The following TSPAN9 variants were observed in gnomAD, a reference collection of about 807,000 sequenced individuals.
The protein encoded by TSPAN9 is tetraspanin 9.
In TSPAN9, 16 loss-of-function variants were observed where a neutral mutation model predicts 31.0. The observed-to-expected ratio is 0.52, with a 90% confidence interval of 0.35 to 0.78. TSPAN9 has a LOEUF of 0.78. TSPAN9 is among the 30% of genes least tolerant of loss of function. TSPAN9 has a pLI of 0.01. For synonymous variants in TSPAN9, 145 were observed against 121.6 expected, an observed-to-expected ratio of 1.19 and a Z score of -1.27; for missense variants, 272 against 312.5, an observed-to-expected ratio of 0.87 and a Z score of 0.98.
At chr12:3,179,771 A>G (rs969022318) in intron 2 of TSPAN9, among the ~76,000 whole-genome samples, 1 of 152,186 alleles carries the variant, frequency 6.6e-6, no homozygotes, top group Non-Finnish European at 1.5e-5. Context: ...GATTCTCCCC[A>G]TTTTGCAGGC....
At chr12:3,081,844 G>GTGTGTATATATATATATATATATATA (rs57812985) in intron 1 of TSPAN9, among the ~76,000 whole-genome samples, 1 of 116,738 alleles carries the variant, frequency 8.6e-6, no homozygotes, top group African/African-American at 3.7e-5. Flanking sequence ...GTCTGTGTGT[G>GTGTGTATATATATATATATATATATA]TATATATATG....
chr12:3,255,695 C>T (rs143316201), intron 3 of TSPAN9, among the ~76,000 whole-genome samples: 10 of 152,348 alleles, frequency 6.6e-5, no homozygotes, highest in African/African-American at 2.2e-4. Context: ...AAGCCATAGA[C>T]GCTTTTTCTT....
rs531010787 is a variant in TSPAN9 at position 3,117,861 on chromosome 12, C to T, written c.-18+34142C>T. On this transcript the variant is annotated intron_variant, in intron 2 of 8. Transcript: ENST00000011898. ...AGATCCAGGTCCCGGACCCCTCCAGCGAGAGGAAGCACCTTGGGAGGCAGT... is the reference window on the plus strand; with the variant it reads ...AGATCCAGGTCCCGGACCCCTCCAGTGAGAGGAAGCACCTTGGGAGGCAGT... Among the ~76,000 whole-genome samples the T allele has an allele frequency of 7.9e-5, 12 of 152,166 alleles. No individual in the cohort carries two copies. The South Asian group carries it at 8.3e-4, about 11-fold the overall frequency.
intron 3 of TSPAN9, among the ~76,000 whole-genome samples, chr12:3,251,655 A>T (rs563788609): frequency 3.9e-5 from 6 of 152,300 alleles, no homozygotes; most frequent in African/African-American, 1.4e-4. Flanking sequence ...TGCAAAGGAC[A>T]TCTTTAGTTT....
At chr12:3,133,729 G>A (rs1591641764) in intron 2 of TSPAN9, among the ~76,000 whole-genome samples, 1 of 152,166 alleles carries the variant, frequency 6.6e-6, no homozygotes, top group African/African-American at 2.4e-5. Flanking sequence ...TTGAATAAGG[G>A]GTGACTGGGG....
chr12:3,261,529 C>T (rs892671148), intron 3 of TSPAN9, among the ~76,000 whole-genome samples: 2 of 152,156 alleles, frequency 1.3e-5, no homozygotes, highest in African/African-American at 2.4e-5. Flanking sequence ...TGGAGAACTG[C>T]GTCTCCAAAG....
rs1044876405 is a variant in TSPAN9, at chr12:3,119,812, A to C, written c.-18+36093A>C. On this transcript the variant is annotated intron_variant, in intron 2 of 8. Coordinates refer to ENST00000011898, the MANE Select transcript of TSPAN9 (RefSeq NM_006675.5). ...CTGTGGGGAGGTGTTGGCTCTTCCC[A>C]GGTGAGAATATGCCCTAGCCCAGGT... Among the ~76,000 whole-genome samples the C allele has an allele frequency of 7.9e-5, 12 of 152,258 alleles. No individual in the cohort carries two copies. In the East Asian group the frequency reaches 1.4e-3, roughly 17 times the overall value.
chr12:3,139,578 C>CT (rs34051009), intron 2 of TSPAN9, among the ~76,000 whole-genome samples: 12,886 of 151,820 alleles, frequency 0.085, 615 homozygotes, highest in South Asian at 0.12. Flanking sequence ...TCCTTTTTTT[C>CT]TTTTTTTTGA....
chr12:3,109,299 T>TGTGTGTGTGA (rs1274383200), intron 2 of TSPAN9, among the ~76,000 whole-genome samples: 11 of 118,346 alleles, frequency 9.3e-5, no homozygotes, highest in African/African-American at 5.0e-4. Context: ...TGTGTGTGTG[T>TGTGTGTGTGA]GAGAGAGAGT....
At chr12:3,214,154 C>G (rs981820955) in intron 3 of TSPAN9, among the ~76,000 whole-genome samples, 6 of 152,228 alleles carry the variant, frequency 3.9e-5, no homozygotes, top group Non-Finnish European at 8.8e-5. Context: ...CAGCTCATCT[C>G]TGAGGTCTCT....
intron 2 of TSPAN9, among the ~76,000 whole-genome samples, chr12:3,189,264 C>A (rs999056385): frequency 7.2e-5 from 11 of 152,100 alleles, no homozygotes; most frequent in Non-Finnish European, 1.5e-4. Context: ...CAGGGGTGGG[C>A]TGCACCTTGA....
chr12:3,196,094 G>A (rs569805418), intron 2 of TSPAN9, among the ~76,000 whole-genome samples: 34 of 152,268 alleles, frequency 2.2e-4, no homozygotes, highest in Non-Finnish European at 3.4e-4. Context: ...CTTGTTCCGC[G>A]TCCTCTTATC....
At chr12:3,153,690 A>G (rs547213566) in intron 2 of TSPAN9, among the ~76,000 whole-genome samples, 1 of 152,204 alleles carries the variant, frequency 6.6e-6, no homozygotes, top group South Asian at 2.1e-4. Flanking sequence ...TATTATATAT[A>G]TGTGTGTGCG....
intron 3 of TSPAN9, among the ~76,000 whole-genome samples, chr12:3,228,071 G>A (rs886901996): frequency 9.2e-5 from 14 of 152,272 alleles, no homozygotes; most frequent in Admixed American, 4.6e-4. Context: ...ATCCTTGGCC[G>A]GATGTGGGGG....
chr12:3,221,362 T>TC (rs1565619857), intron 3 of TSPAN9, among the ~76,000 whole-genome samples: 1 of 130,070 alleles, frequency 7.7e-6, no homozygotes, highest in African/African-American at 3.1e-5. Flanking sequence ...ATTTTTCTCT[T>TC]TTTTTTTTTT....
intron 2 of TSPAN9, among the ~76,000 whole-genome samples, chr12:3,125,338 T>G (rs650153): frequency 0.033 from 5,082 of 152,238 alleles, 239 homozygotes; most frequent in African/African-American, 0.11. Context: ...GCACAGCACC[T>G]TTCATTGCAA....
chr12:3,148,563 G>A (rs2098338350), intron 2 of TSPAN9, among the ~76,000 whole-genome samples: 1 of 152,200 alleles, frequency 6.6e-6, no homozygotes, highest in South Asian at 2.1e-4. Flanking sequence ...GTTGTGTGGG[G>A]CTGTCTGCTC....
rs74054964 is a variant in TSPAN9, at chr12:3,282,954, A to G, written c.649-91A>G. The G allele has an allele frequency of 2.0e-3, 2,600 of 1,317,866 alleles. 53 individuals carry two copies. In the African/African-American group the frequency reaches 0.034, roughly 17 times the overall value. 81.6% of individuals were successfully genotyped at this position (1,317,866 alleles called of 1,614,324 possible). A position where few individuals can be genotyped will look rare whatever the true frequency, so the allele number is the denominator to read the frequency against. On this transcript the variant is annotated intron_variant, in intron 8 of 8. Coordinates refer to ENST00000011898, the MANE Select transcript of TSPAN9 (RefSeq NM_006675.5). Reference sequence around the variant, plus strand: ...ACCAGTGGCCATCCCCGCTTGCTCTAGGTGCCCTGTGACATCCCAAGCCTC... The same window carrying G: ...ACCAGTGGCCATCCCCGCTTGCTCTGGGTGCCCTGTGACATCCCAAGCCTC...
chr12:3,129,753 A>G (rs2098328916), intron 2 of TSPAN9, among the ~76,000 whole-genome samples: 1 of 152,164 alleles, frequency 6.6e-6, no homozygotes, highest in Non-Finnish European at 1.5e-5. Flanking sequence ...TCCTTTCAGC[A>G]TTTGCCTTTT....
Sources: gnomAD v4.1 joint callset for allele counts (sites outside exome capture counted in the v4.1 genomes callset) on GRCh38, gnomAD v4.1.1 for gene constraint, MANE v1.5 for transcripts, NCBI Gene and HGNC (gene_info 2026-07-23, HGNC 2026-07-21) for gene names.